Variants in GPD1L observed in about 807,000 individuals in gnomAD.
GPD1L encodes glycerol-3-phosphate dehydrogenase 1 like, also known as glycerol-3-phosphate dehydrogenase 1-like protein.
A neutral mutation model predicts 32.9 loss-of-function variants in GPD1L; 17 were observed. The ratio of observed to expected loss-of-function variants is 0.52; its 90% CI spans 0.35 to 0.78. The LOEUF (loss-of-function observed/expected upper bound fraction) is 0.78, where lower values mean the gene tolerates loss of function less well. Ranked by LOEUF, GPD1L falls within the 30% of genes least tolerant of loss-of-function variation. The pLI, the probability that GPD1L is intolerant of heterozygous loss-of-function variation, is 0.01. For synonymous variants in GPD1L, 187 were observed against 165.9 expected (o/e 1.13, Z -0.98); for missense variants, 361 against 447.8 (o/e 0.81, Z 1.75).
At chr3:32,125,977 G>C (rs1700501407) in intron 1 of GPD1L, among the ~76,000 whole-genome samples, 1 of 152,196 alleles carries the variant, frequency 6.6e-6, no homozygotes, top group Admixed American at 6.5e-5. Flanking sequence ...GAATCCCAAA[G>C]GATGTACAGA....
intron 5 of GPD1L, among the ~76,000 whole-genome samples, chr3:32,152,736 G>A (rs1253313448): frequency 6.6e-6 from 1 of 151,958 alleles, no homozygotes; most frequent in Non-Finnish European, 1.5e-5. Flanking sequence ...AATGGCATAG[G>A]GTAGCATAGG....
chr3:32,164,506 C>T (rs776805726), intron 7 of GPD1L, among the ~76,000 whole-genome samples: 3 of 152,212 alleles, frequency 2.0e-5, no homozygotes, highest in Non-Finnish European at 4.4e-5. Flanking sequence ...TACTGCACAT[C>T]CACCATTTGC....
At chr3:32,165,086 C>T (rs1001081884) in intron 7 of GPD1L, among the ~76,000 whole-genome samples, 1 of 152,164 alleles carries the variant, frequency 6.6e-6, no homozygotes, top group Non-Finnish European at 1.5e-5. Flanking sequence ...CACCTGTAAT[C>T]CCAACTACTC....
chr3:32,111,052 G>A (rs1292499664), intron 1 of GPD1L, among the ~76,000 whole-genome samples: 1 of 152,186 alleles, frequency 6.6e-6, no homozygotes, highest in Non-Finnish European at 1.5e-5. Flanking sequence ...TTTTAGTACA[G>A]ACAGGGTTTT....
chr3:32,135,492 G>A (rs374665406), intron 2 of GPD1L, among the ~76,000 whole-genome samples: 9 of 152,152 alleles, frequency 5.9e-5, no homozygotes, highest in South Asian at 2.1e-4. Context: ...TTGCTCTGTC[G>A]CCCAGGCTGG....
intron 4 of GPD1L, among the ~76,000 whole-genome samples, chr3:32,140,596 C>T (rs1466940204): frequency 6.6e-6 from 1 of 152,162 alleles, no homozygotes; most frequent in Non-Finnish European, 1.5e-5. Context: ...GAAGAGCATT[C>T]TGACTTGCTG....
intron 5 of GPD1L, among the ~76,000 whole-genome samples, chr3:32,149,270 A>C (rs564555770): frequency 4.9e-4 from 75 of 152,230 alleles, no homozygotes; most frequent in East Asian, 4.8e-3. Flanking sequence ...TGTGTTGTTC[A>C]GGCTGGTCTT....
chr3:32,158,767 G>A, intron 5 of GPD1L, 109 bp from the exon 6 acceptor site: 1 of 1,543,020 alleles, frequency 6.5e-7, no homozygotes, highest in Non-Finnish European at 8.7e-7. Context: ...TTTGAAGATG[G>A]AGCCAATGTC....
chr3:32,165,079 C>T (rs1337466058), intron 7 of GPD1L, among the ~76,000 whole-genome samples: 1 of 152,186 alleles, frequency 6.6e-6, no homozygotes, highest in Non-Finnish European at 1.5e-5. Context: ...TGGCACACAC[C>T]TGTAATCCCA....
intron 1 of GPD1L, among the ~76,000 whole-genome samples, chr3:32,110,609 G>C (rs962075806): frequency 5.9e-5 from 9 of 152,240 alleles, no homozygotes; most frequent in Non-Finnish European, 1.2e-4. Context: ...GTCCTGGGCA[G>C]GAAAGTAGAC....
At chr3:32,139,630 A>G (rs1229608632) in intron 3 of GPD1L, among the ~76,000 whole-genome samples, 2 of 152,244 alleles carry the variant, frequency 1.3e-5, no homozygotes, top group African/African-American at 2.4e-5. Context: ...GCATTTACAG[A>G]TGAATGTTCA....
intron 7 of GPD1L, among the ~76,000 whole-genome samples, chr3:32,162,170 G>C (rs1320647448): frequency 2.0e-5 from 3 of 152,162 alleles, no homozygotes; most frequent in Non-Finnish European, 4.4e-5. Context: ...TAAGATGGAA[G>C]ACCAGATGAA....
In GPD1L at chr3:32,158,053, C is replaced by T. The variant is rs536889570; in HGVS notation, c.619-823C>T. Among the ~76,000 whole-genome samples the T allele has an allele frequency of 6.6e-5, 10 of 152,292 alleles. No individual in the cohort carries two copies. In the East Asian group the frequency reaches 1.2e-3, roughly 18 times the overall value. ...GTCATACCCAACAGGATTGCCTGCA[C>T]GTAGTCACCGGAGGGCATGTGCCAG... is the stretch of plus-strand genomic sequence containing the variant. On this transcript the variant is annotated intron_variant, in intron 5 of 7. Transcript: ENST00000282541.
intron 2 of GPD1L, 61 bp from the exon 3 acceptor site, chr3:32,138,526 T>C (rs1415750174): frequency 1.3e-6 from 2 of 1,536,894 alleles, no homozygotes; most frequent in East Asian, 2.2e-5. Flanking sequence ...GAGTGAAACC[T>C]TGTGGACAGG....
chr3:32,142,994 T>C (rs1306228315), intron 4 of GPD1L, among the ~76,000 whole-genome samples: 3 of 152,020 alleles, frequency 2.0e-5, no homozygotes, highest in African/African-American at 7.2e-5. Context: ...CTGGGAAATG[T>C]AGCTGGGAGT....
At chr3:32,161,290 T>C (rs1024694894) in intron 7 of GPD1L, among the ~76,000 whole-genome samples, 1 of 152,174 alleles carries the variant, frequency 6.6e-6, no homozygotes, top group African/African-American at 2.4e-5. Flanking sequence ...TTTTCTGAAA[T>C]GGCTTTTAAA....
chr3:32,122,183 C>A (rs562308958), intron 1 of GPD1L, among the ~76,000 whole-genome samples: 1 of 151,126 alleles, frequency 6.6e-6, no homozygotes, highest in Admixed American at 6.6e-5. Flanking sequence ...GTCCCTTGCA[C>A]CCAGCATGGT....
chr3:32,147,175 G>C (rs1327227579), intron 5 of GPD1L, among the ~76,000 whole-genome samples: 1 of 151,060 alleles, frequency 6.6e-6, no homozygotes, highest in Non-Finnish European at 1.5e-5. Context: ...TCTGCTGCTG[G>C]TAGAGGTTTT....
At chr3:32,164,389 C>T (rs1701116692) in intron 7 of GPD1L, among the ~76,000 whole-genome samples, 1 of 152,228 alleles carries the variant, frequency 6.6e-6, no homozygotes, top group Non-Finnish European at 1.5e-5. Flanking sequence ...TGGTGCCAGG[C>T]ACTGAGGATA....
Sources: gnomAD v4.1 joint callset for allele counts (sites outside exome capture counted in the v4.1 genomes callset) on GRCh38, gnomAD v4.1.1 for gene constraint, MANE v1.5 for transcripts, NCBI Gene and HGNC (gene_info 2026-07-23, HGNC 2026-07-21) for gene names.